ASH1L: variants seen among roughly 807,000 people sequenced by gnomAD.
ASH1L encodes the protein ASH1 like histone lysine methyltransferase.
ASH1L carries 23 observed loss-of-function variants against 269.0 expected under a neutral mutation model. That is an observed-to-expected ratio of 0.09 (90% CI 0.06 to 0.12). The LOEUF is 0.12. ASH1L is among the 10% of genes least tolerant of loss of function. ASH1L has a pLI of 1.00. For synonymous variants in ASH1L, 1,187 were observed against 1,253.5 expected, an observed-to-expected ratio of 0.95 and a Z score of 1.12; for missense variants, 2,912 against 3,567.8, an observed-to-expected ratio of 0.82 and a Z score of 4.68.
chr1:155,360,738 T>C (rs1398267670), intron 12 of ASH1L, among the ~76,000 whole-genome samples: 1 of 152,076 alleles, frequency 6.6e-6, no homozygotes, highest in Non-Finnish European at 1.5e-5. Flanking sequence ...CCACCACGCC[T>C]GGCCTCCACT....
chr1:155,352,647 T>TA (rs150033711), intron 17 of ASH1L, 59 bp downstream of exon 17: 164,647 of 1,321,702 alleles, frequency 0.12, 4,984 homozygotes, highest in Middle Eastern at 0.17. Context: ...TCTATTTATT[T>TA]AAAAAAAAAA....
intron 1 of ASH1L, among the ~76,000 whole-genome samples, chr1:155,556,094 A>C (rs1303888469): frequency 6.6e-6 from 1 of 152,224 alleles, no homozygotes; most frequent in Non-Finnish European, 1.5e-5. Flanking sequence ...ACATTAAAGA[A>C]ATAAAAAGCT....
Position 155,338,075 on chromosome 1 carries a change from C to T in ASH1L, c.8803+14G>A. 1 of 1,610,158 alleles carries T rather than the reference C, an allele frequency of 6.2e-7. No homozygotes were observed. Among genetic ancestry groups the T allele is most frequent in the South Asian group, 1.1e-5 (1 of 90,786 alleles). Reference sequence around the variant, plus strand: ...TTTATCTTAAACCCTAGATATGAACCTGATTCTTCTTACCATTTTTTCCAG... The same window carrying T: ...TTTATCTTAAACCCTAGATATGAACTTGATTCTTCTTACCATTTTTTCCAG... On this transcript the variant is annotated intron_variant, in intron 27 of 27. Coordinates refer to ENST00000392403, the MANE Select transcript of ASH1L (RefSeq NM_018489.3).
At chr1:155,411,582 AAT>A in intron 6 of ASH1L, among the ~76,000 whole-genome samples, 2 of 48,418 alleles carry the variant, frequency 4.1e-5, no homozygotes, top group African/African-American at 1.6e-4. Context: ...TAAATAAATA[AAT>A]AAATATATAT....
intron 6 of ASH1L, among the ~76,000 whole-genome samples, chr1:155,402,438 T>G (rs948754558): frequency 6.6e-6 from 1 of 152,184 alleles, no homozygotes; most frequent in African/African-American, 2.4e-5. Context: ...CTATATAAAC[T>G]TTATGCTAAA....
rs536133527 is a variant in ASH1L, at chr1:155,480,493, A to C, written c.2377T>G (p.Leu793Val). 1.9e-5 allele frequency: 31 copies of C among 1,614,018 alleles called. No individual in the cohort carries two copies. The highest frequency in any genetic ancestry group is 2.6e-5 in the Non-Finnish European group (31 of 1,179,958). Residue 793 changes from leucine to valine, a missense_variant, in exon 3 of 28, where the codon TTA (leucine) becomes GTA (valine). Leu to Val is a conservative substitution (Grantham distance 32, BLOSUM62 1). This residue lies in a region of ASH1L where 715 missense variants were observed against 721.0 expected (regional missense o/e 0.99). Transcript: ENST00000392403. ...TGAGATGGTTTTTCACTATCAGCTA[A>C]GAGAGCAAGAGATGGAGCTGTGGAT... is the stretch of plus-strand genomic sequence containing the variant. Reference protein sequence around the residue: ...SKSTAPSLALLADSEKPSHKS... With the variant: ...SKSTAPSLALVADSEKPSHKS...
At chr1:155,540,668 C>G (rs980909655) in intron 1 of ASH1L, among the ~76,000 whole-genome samples, 12 of 152,118 alleles carry the variant, frequency 7.9e-5, no homozygotes, top group African/African-American at 2.9e-4. Flanking sequence ...ACTTGGGAGG[C>G]TGAGGTGGGA....
intron 13 of ASH1L, chr1:155,358,653 ACT>A (rs1654646436): frequency 6.6e-6 from 1 of 151,382 alleles, no homozygotes; most frequent in African/African-American, 2.4e-5. Flanking sequence ...ACGCCACTGC[ACT>A]CTAGCCTGGG....
intron 2 of ASH1L, among the ~76,000 whole-genome samples, chr1:155,505,738 C>G (rs966516742): frequency 2.6e-5 from 4 of 151,934 alleles, no homozygotes; most frequent in Non-Finnish European, 5.9e-5. Context: ...AATTATATCT[C>G]AATTTAAAAT....
chr1:155,521,564 G>A lies in ASH1L; in HGVS notation c.-45C>T. 6.5e-7 allele frequency: 1 copy of A among 1,535,558 alleles called. No homozygotes were observed. Among genetic ancestry groups the A allele is most frequent in the Non-Finnish European group, 8.8e-7 (1 of 1,138,138 alleles). ...CAAGGAATCTTATGAAAATTTTACA[G>A]AACTGTGTTCCATAAAAAACAAGGA... On this transcript the variant is annotated 5_prime_UTR_variant, in exon 2 of 28. Transcript: ENST00000392403.
intron 25 of ASH1L, among the ~76,000 whole-genome samples, chr1:155,339,687 T>C (rs547142689): frequency 4.6e-5 from 7 of 152,186 alleles, no homozygotes; most frequent in Non-Finnish European, 8.8e-5. Flanking sequence ...TTGATTGTTA[T>C]GTAAACATCA....
chr1:155,454,756 G>A (rs1007005746), intron 4 of ASH1L, among the ~76,000 whole-genome samples: 2 of 152,018 alleles, frequency 1.3e-5, no homozygotes, highest in African/African-American at 2.4e-5. Context: ...TGACAAGAGC[G>A]AGACTCTGTC....
At chr1:155,439,193 A>T in intron 4 of ASH1L, 125 bp from the exon 5 acceptor site, 1 of 1,035,366 alleles carries the variant, frequency 9.7e-7, no homozygotes, top group South Asian at 2.1e-5. Flanking sequence ...TCATAGGTAA[A>T]TTGATGGTTT....
intron 1 of ASH1L, among the ~76,000 whole-genome samples, chr1:155,532,153 A>C (rs1392008535): frequency 1.3e-5 from 2 of 152,190 alleles, no homozygotes; most frequent in Non-Finnish European, 2.9e-5. Flanking sequence ...TCTCACATGC[A>C]ATTTTGGGAT....
At chr1:155,385,735 TG>T (rs1657375213) in intron 7 of ASH1L, among the ~76,000 whole-genome samples, 1 of 152,304 alleles carries the variant, frequency 6.6e-6, no homozygotes, top group East Asian at 1.9e-4. Context: ...GTATTTTAGC[TG>T]GCTTTTTCTG....
chr1:155,376,645 C>G (rs1656471352), intron 10 of ASH1L, among the ~76,000 whole-genome samples: 2 of 151,950 alleles, frequency 1.3e-5, no homozygotes, highest in Non-Finnish European at 2.9e-5. Flanking sequence ...TGCCACCGCA[C>G]TCCAGCCTGG....
intron 2 of ASH1L, among the ~76,000 whole-genome samples, chr1:155,504,316 C>T (rs1022279759): frequency 1.3e-5 from 2 of 152,168 alleles, no homozygotes; most frequent in Admixed American, 6.5e-5. Flanking sequence ...CAGTTGTACC[C>T]TGAATCCCCA....
intron 25 of ASH1L, among the ~76,000 whole-genome samples, chr1:155,341,458 G>A (rs1025051102): frequency 3.3e-5 from 5 of 152,194 alleles, no homozygotes; most frequent in Admixed American, 6.5e-5. Context: ...TTACAGGCGT[G>A]AGCCACCGCG....
intron 2 of ASH1L, among the ~76,000 whole-genome samples, chr1:155,485,452 T>C (rs983183531): frequency 6.6e-6 from 1 of 152,210 alleles, no homozygotes; most frequent in Non-Finnish European, 1.5e-5. Flanking sequence ...TTCTGAGTAG[T>C]TGGGCTAACA....
Sources: gnomAD v4.1 joint callset for allele counts (sites outside exome capture counted in the v4.1 genomes callset) on GRCh38, gnomAD v4.1.1 for gene constraint, gnomAD v4.1.1 regional missense constraint, MANE v1.5 for transcripts, NCBI Gene and HGNC (gene_info 2026-07-23, HGNC 2026-07-21) for gene names.